Variants in PRUNE2 observed in about 807,000 individuals in gnomAD.
The protein encoded by PRUNE2 is protein prune homolog 2.
A neutral mutation model predicts 252.0 loss-of-function variants in PRUNE2; 164 were observed. That is an observed-to-expected ratio of 0.65 (90% confidence interval 0.57 to 0.74). The LOEUF (loss-of-function observed/expected upper bound fraction) is 0.74. PRUNE2 is among the 30% of genes least tolerant of loss of function. PRUNE2 has a pLI of 0.00. For synonymous variants in PRUNE2, 1,292 were observed against 1,350.2 expected (o/e 0.96, Z 0.94); for missense variants, 3,495 against 3,711.0 (o/e 0.94, Z 1.51).
At chr9:76,650,566 A>G (rs769573542) in intron 11 of PRUNE2, among the ~76,000 whole-genome samples, 28 of 152,206 alleles carry the variant, frequency 1.8e-4, no homozygotes, top group Non-Finnish European at 3.2e-4. Flanking sequence ...CCTCATGTTT[A>G]CAAAATATAG....
intron 15 of PRUNE2, among the ~76,000 whole-genome samples, chr9:76,632,959 T>C (rs1460379470): frequency 2.6e-5 from 4 of 152,200 alleles, no homozygotes; most frequent in East Asian, 1.9e-4. Flanking sequence ...CAGTGTCTCG[T>C]ACCTGTAGTC....
At chr9:76,654,329 G>A (rs1337438377) in intron 10 of PRUNE2, among the ~76,000 whole-genome samples, 1 of 152,172 alleles carries the variant, frequency 6.6e-6, no homozygotes, top group Non-Finnish European at 1.5e-5. Flanking sequence ...TCCCCTGTCA[G>A]TCATTAAGCT....
rs1332188500 is a variant in PRUNE2 at position 76,674,664 on chromosome 9, T to C, written c.8277-19162A>G. ...CATCACACTACCTGACTTCAAACTA[T>C]ACTACAAGGCAACAGTAACCAAAAC... On this transcript the variant is annotated intron_variant, in intron 9 of 18. Coordinates refer to ENST00000376718, the MANE Select transcript of PRUNE2 (RefSeq NM_015225.3). Among the ~76,000 whole-genome samples, 3 of 147,880 alleles carry C rather than the reference T, an allele frequency of 2.0e-5. 1 individual carries two copies. Among genetic ancestry groups the C allele is most frequent in the East Asian group, 4.0e-4 (2 of 4,944 alleles).
chr9:76,902,202 A>G (rs1160102217), intron 1 of PRUNE2, among the ~76,000 whole-genome samples: 5 of 152,174 alleles, frequency 3.3e-5, no homozygotes, highest in Non-Finnish European at 7.3e-5. Context: ...ATTTACTGCC[A>G]TGAGACTGTC....
chr9:76,754,941 G>A (rs1402559251), intron 6 of PRUNE2, among the ~76,000 whole-genome samples: 1 of 140,770 alleles, frequency 7.1e-6, no homozygotes, highest in Non-Finnish European at 1.5e-5. Flanking sequence ...ACTCCAGCCT[G>A]GTGACAGAGT....
chr9:76,624,500 C>G lies in PRUNE2; in HGVS notation c.9150-10G>C, dbSNP rs1833821446. 7.1e-7 allele frequency: 1 copy of G among 1,411,762 alleles called. No individual in the cohort carries two copies. The highest frequency in any genetic ancestry group is 9.3e-7 in the Non-Finnish European group (1 of 1,078,244). The allele number at this position is 1,411,762 out of a possible 1,614,324, so 87.5% of individuals were successfully genotyped here. A position where few individuals can be genotyped will look rare whatever the true frequency, so the allele number is the denominator to read the frequency against. Reference sequence around the variant, plus strand: ...CAGTTCTTCATCCAGTCTGCAGGAGCAAAAATTATTGGTGTGGAAAAGAAA... The same window carrying G: ...CAGTTCTTCATCCAGTCTGCAGGAGGAAAAATTATTGGTGTGGAAAAGAAA... On this transcript the variant is annotated splice_polypyrimidine_tract_variant and intron_variant, in intron 16 of 18. Transcript: ENST00000376718.
At chr9:76,634,693 A>C (rs1839229291) in intron 15 of PRUNE2, among the ~76,000 whole-genome samples, 1 of 152,238 alleles carries the variant, frequency 6.6e-6, no homozygotes, top group Admixed American at 6.5e-5. Context: ...CCTGGTTCTA[A>C]GTCATGCTGG....
rs1401644343 is a variant in PRUNE2, at chr9:76,637,487, C to G, written c.8894G>C (p.Gly2965Ala). 1.2e-6 allele frequency: 2 copies of G among 1,613,332 alleles called. No individual in the cohort carries two copies. The highest frequency in any genetic ancestry group is 2.2e-5 in the South Asian group (2 of 91,070). ...TGGCATCCTCCTTCTTGGGGTTGCA[C>G]CATTCAAGTACACAATCATATAGTC... ...AEDYMIVYLN[G>A]ATPRRRMPGL... Residue 2965 changes from glycine (G) to alanine (A), a missense_variant, in exon 14 of 19, where the codon GGT becomes GCT. Physicochemically the swap from Gly to Ala is moderately conservative, Grantham distance 60. Coordinates refer to ENST00000376718, the MANE Select transcript of PRUNE2 (RefSeq NM_015225.3).
intron 4 of PRUNE2, among the ~76,000 whole-genome samples, chr9:76,835,723 A>T (rs926719521): frequency 2.6e-5 from 4 of 152,140 alleles, no homozygotes; most frequent in African/African-American, 9.7e-5. Context: ...GAGAGAGATG[A>T]TTCACTCTTT....
At chr9:76,797,420 G>A (rs1370192931) in intron 6 of PRUNE2, among the ~76,000 whole-genome samples, 1 of 151,926 alleles carries the variant, frequency 6.6e-6, no homozygotes, top group African/African-American at 2.4e-5. Context: ...TCTTTTCTTG[G>A]TAACATATGC....
At chr9:76,902,254 AG>A (rs1202604428) in intron 1 of PRUNE2, among the ~76,000 whole-genome samples, 1 of 150,652 alleles carries the variant, frequency 6.6e-6, no homozygotes, top group Non-Finnish European at 1.5e-5. Flanking sequence ...TATGAAGTTG[AG>A]GGTCATTTCC....
intron 6 of PRUNE2, among the ~76,000 whole-genome samples, chr9:76,714,316 C>G (rs146545418): frequency 1.0e-3 from 156 of 152,236 alleles, no homozygotes; most frequent in African/African-American, 3.6e-3. Context: ...GATCCCAATA[C>G]CTCAGATTAC....
chr9:76,873,745 C>T (rs952341274), intron 1 of PRUNE2, among the ~76,000 whole-genome samples: 2 of 152,186 alleles, frequency 1.3e-5, no homozygotes, highest in Non-Finnish European at 2.9e-5. Flanking sequence ...TATGGACGGG[C>T]TACCCGATAC....
intron 15 of PRUNE2, among the ~76,000 whole-genome samples, chr9:76,630,726 CTG>C (rs1837240174): frequency 6.6e-6 from 1 of 152,284 alleles, no homozygotes; most frequent in Non-Finnish European, 1.5e-5. Flanking sequence ...CAGGGTTTCA[CTG>C]TGTTAGCCAG....
At chr9:76,700,542 C>T (rs2045789740) in intron 9 of PRUNE2, among the ~76,000 whole-genome samples, 1 of 152,120 alleles carries the variant, frequency 6.6e-6, no homozygotes, top group African/African-American at 2.4e-5. Context: ...ATGACCTTTC[C>T]TTTAGTGACT....
intron 5 of PRUNE2, among the ~76,000 whole-genome samples, 166 bp from the exon 6 acceptor site, chr9:76,823,892 C>G (rs2058189343): frequency 6.6e-6 from 1 of 152,072 alleles, no homozygotes; most frequent in African/African-American, 2.4e-5. Context: ...GCAATAATCA[C>G]ATCACGTCTG....
chr9:76,617,079 T>C (rs955060818), intron 18 of PRUNE2, among the ~76,000 whole-genome samples: 4 of 152,226 alleles, frequency 2.6e-5, no homozygotes, highest in Non-Finnish European at 4.4e-5. Context: ...CTTAGTTTTC[T>C]ATAAGCAACT....
intron 4 of PRUNE2, among the ~76,000 whole-genome samples, chr9:76,846,123 A>C (rs1268011135): frequency 6.6e-6 from 1 of 152,254 alleles, no homozygotes; most frequent in Non-Finnish European, 1.5e-5. Flanking sequence ...GTATAAACCA[A>C]GCATGGAAGA....
intron 6 of PRUNE2, chr9:76,748,757 T>A (rs1324303170): frequency 1.3e-5 from 2 of 152,152 alleles, no homozygotes; most frequent in African/African-American, 4.8e-5. Context: ...GGTGAAGAAG[T>A]AGGGAAAGGC....
Sources: gnomAD v4.1 joint callset for allele counts (sites outside exome capture counted in the v4.1 genomes callset) on GRCh38, gnomAD v4.1.1 for gene constraint, MANE v1.5 for transcripts, NCBI Gene and HGNC (gene_info 2026-07-23, HGNC 2026-07-21) for gene names.